Variants in IL1RAPL2 observed in about 807,000 individuals in gnomAD.
The protein encoded by IL1RAPL2 is X-linked interleukin-1 receptor accessory protein-like 2.
In IL1RAPL2, 3 loss-of-function variants were observed where a neutral mutation model predicts 44.1. The ratio of observed to expected loss-of-function variants is 0.07; its 90% confidence interval spans 0.03 to 0.18. The LOEUF (loss-of-function observed/expected upper bound fraction) is 0.18, where lower values mean the gene tolerates loss of function less well. IL1RAPL2 is among the 10% of genes least tolerant of loss of function. The probability of loss-of-function intolerance (pLI) is 1.00; values close to 1 mark genes in which losing one functional copy is unlikely to be tolerated. For missense variants in IL1RAPL2, 391 were observed against 496.4 expected, an observed-to-expected ratio of 0.79 and a Z score of 2.02; for synonymous variants, 181 against 178.8, an observed-to-expected ratio of 1.01 and a Z score of -0.10.
At chrX:104,904,839 A>C (rs1355911932) in intron 2 of IL1RAPL2, among the ~76,000 whole-genome samples, 1 of 110,319 alleles carries the variant, frequency 9.1e-6, no homozygotes. Context: ...GGCTGTGTCA[A>C]ATGGTATTTC....
chrX:104,855,236 A>C (rs1204699160), intron 2 of IL1RAPL2, among the ~76,000 whole-genome samples: 1 of 111,977 alleles, frequency 8.9e-6, no homozygotes, highest in Non-Finnish European at 1.9e-5. Flanking sequence ...ACATGGGTCC[A>C]GAGAATATGA....
intron 10 of IL1RAPL2, among the ~76,000 whole-genome samples, chrX:105,756,253 A>G (rs1286368186): frequency 1.8e-5 from 2 of 112,166 alleles, no homozygotes; most frequent in Non-Finnish European, 3.8e-5. Context: ...TTTCACATAC[A>G]TTACTTCATT....
At chrX:104,974,118 A>G (rs996995139) in intron 2 of IL1RAPL2, among the ~76,000 whole-genome samples, 1 of 111,708 alleles carries the variant, frequency 9.0e-6, no homozygotes, top group Non-Finnish European at 1.9e-5. Context: ...TATGAGAACT[A>G]TTCCACAATT....
At chrX:105,673,012 T>C (rs113835660) in intron 6 of IL1RAPL2, among the ~76,000 whole-genome samples, 1,568 of 111,306 alleles carry the variant, frequency 0.014, 28 homozygotes, top group African/African-American at 0.048. Context: ...TTGTGTCCTG[T>C]AGTCCTTAGC....
At chrX:104,947,927 A>G (rs1195716359) in intron 2 of IL1RAPL2, among the ~76,000 whole-genome samples, 4 of 111,666 alleles carry the variant, frequency 3.6e-5, no homozygotes, top group East Asian at 2.8e-4. Context: ...TATGAACTTT[A>G]AAGTAGTTTT....
intron 5 of IL1RAPL2, among the ~76,000 whole-genome samples, chrX:105,404,295 G>T (rs777765702): frequency 1.9e-4 from 21 of 111,671 alleles, no homozygotes; most frequent in African/African-American, 6.5e-4. Flanking sequence ...TTGCCTAGTT[G>T]ATGTTAAGCA....
intron 2 of IL1RAPL2, among the ~76,000 whole-genome samples, chrX:104,879,759 G>T (rs1923013875): frequency 1.8e-5 from 2 of 111,713 alleles, no homozygotes; most frequent in Non-Finnish European, 3.8e-5. Flanking sequence ...TATGAGGTTA[G>T]CTATCATGAG....
intron 5 of IL1RAPL2, among the ~76,000 whole-genome samples, chrX:105,452,462 G>A (rs2036026090): frequency 9.0e-6 from 1 of 111,383 alleles, no homozygotes; most frequent in Non-Finnish European, 1.9e-5. Flanking sequence ...CCATAGTGAA[G>A]TCATAGTAAA....
intron 2 of IL1RAPL2, among the ~76,000 whole-genome samples, chrX:104,947,203 A>G (rs1356263314): frequency 8.9e-6 from 1 of 111,782 alleles, no homozygotes. Flanking sequence ...TTTTGGCTGC[A>G]TAAAGGTCTT....
intron 5 of IL1RAPL2, chrX:105,406,008 C>T: frequency 1.7e-6 from 2 of 1,207,014 alleles, no homozygotes; most frequent in Non-Finnish European, 2.2e-6. Context: ...GTTAGGATTC[C>T]ACACAGACTG....
intron 5 of IL1RAPL2, among the ~76,000 whole-genome samples, chrX:105,444,566 T>G (rs2035942422): frequency 8.9e-6 from 1 of 111,851 alleles, no homozygotes; most frequent in South Asian, 3.7e-4. Context: ...TTTTTAATAA[T>G]GCCAAAAGTA....
chrX:104,912,836 G>A (rs774790886), intron 2 of IL1RAPL2, among the ~76,000 whole-genome samples: 1 of 112,019 alleles, frequency 8.9e-6, no homozygotes, highest in African/African-American at 3.2e-5. Context: ...ATGCCTATGT[G>A]CTGCAAGTTA....
intron 2 of IL1RAPL2, among the ~76,000 whole-genome samples, chrX:104,914,614 G>A (rs1220300326): frequency 9.0e-6 from 1 of 110,855 alleles, no homozygotes; most frequent in Non-Finnish European, 1.9e-5. Context: ...TGTGCACAAT[G>A]TGCAGGTTAG....
At chrX:105,454,293 A>T (rs766014368) in intron 5 of IL1RAPL2, among the ~76,000 whole-genome samples, 1 of 111,263 alleles carries the variant, frequency 9.0e-6, no homozygotes, top group African/African-American at 3.3e-5. Context: ...TGTGTTTCCC[A>T]CTCCTTGGGA....
At chrX:104,588,920 T>A (rs1928612320) in intron 1 of IL1RAPL2, among the ~76,000 whole-genome samples, 2 of 112,104 alleles carry the variant, frequency 1.8e-5, no homozygotes, top group African/African-American at 6.5e-5. Flanking sequence ...ACATGGTTTA[T>A]ATAAATAGAA....
At chrX:105,037,250 T>A (rs1343720872) in intron 2 of IL1RAPL2, among the ~76,000 whole-genome samples, 1 of 111,857 alleles carries the variant, frequency 8.9e-6, no homozygotes, top group Non-Finnish European at 1.9e-5. Context: ...ATGGTGATAT[T>A]ACCTGACAGA....
chrX:105,560,822 TTA>T (rs952712317), intron 6 of IL1RAPL2, among the ~76,000 whole-genome samples: 14 of 109,478 alleles, frequency 1.3e-4, no homozygotes, highest in African/African-American at 4.3e-4. Context: ...GGATAAAAAC[TTA>T]TATATATATA....
At chrX:104,684,293 A>G (rs1930943043) in intron 2 of IL1RAPL2, among the ~76,000 whole-genome samples, 1 of 111,675 alleles carries the variant, frequency 9.0e-6, no homozygotes, top group African/African-American at 3.3e-5. Context: ...TTTTCCATTT[A>G]CCTAATGGCT....
At chrX:105,447,580 T>C (rs2035976652) in intron 5 of IL1RAPL2, among the ~76,000 whole-genome samples, 1 of 77,552 alleles carries the variant, frequency 1.3e-5, no homozygotes. Flanking sequence ...AACATAAATA[T>C]ATATTTATAT....
Sources: gnomAD v4.1 joint callset for allele counts (sites outside exome capture counted in the v4.1 genomes callset) on GRCh38, gnomAD v4.1.1 for gene constraint, MANE v1.5 for transcripts, NCBI Gene and HGNC (gene_info 2026-07-23, HGNC 2026-07-21) for gene names.